Variants in FIGNL2 observed in about 807,000 individuals in gnomAD.
FIGNL2 encodes the protein fidgetin-like protein 2.
For missense variants in FIGNL2, 1,060 were observed against 950.2 expected (o/e 1.12, Z -1.52); for synonymous variants, 565 against 484.0 (o/e 1.17, Z -2.20).
chr12:51,835,723 C>T (rs1013692326), intron 1 of FIGNL2, among the ~76,000 whole-genome samples: 3 of 152,032 alleles, frequency 2.0e-5, no homozygotes, highest in African/African-American at 4.8e-5. Context: ...AAAGTTCTAT[C>T]GGACGGAGCT....
intron 1 of FIGNL2, among the ~76,000 whole-genome samples, chr12:51,826,473 CAAAAAAA>C (rs34534453): frequency 7.6e-6 from 1 of 131,882 alleles, no homozygotes; most frequent in Non-Finnish European, 1.6e-5. Context: ...ACTAAAAATA[CAAAAAAA>C]AAAAAAAAAT....
intron 1 of FIGNL2, chr12:51,845,720 AG>A: frequency 1.0e-6 from 1 of 969,666 alleles, no homozygotes; most frequent in Non-Finnish European, 1.2e-6. Flanking sequence ...GACCGACGGC[AG>A]GGGGAGGGGA....
At position 51,822,014 on chromosome 12, in the gene FIGNL2, C is replaced by A; in HGVS notation, c.400G>T (p.Val134Phe). The change falls in exon 2 of 2, where the codon GTT becomes TTT. Residue 134 changes from valine to phenylalanine, a missense_variant. Transcript: ENST00000618634. ...GGSGALGGSPVLAGNLPEPLY... is the reference protein window; with the variant it reads ...GGSGALGGSPFLAGNLPEPLY... ...GGTTCAGGGAGGTTCCCGGCTAAAA[C>A]TGGGGAGCCCCCCAGGGCCCCGGAA... 1 of 1,599,102 alleles carries A rather than the reference C, an allele frequency of 6.3e-7. No homozygotes were observed. Among genetic ancestry groups the A allele is most frequent in the African/African-American group, 1.3e-5 (1 of 74,740 alleles).
intron 1 of FIGNL2, among the ~76,000 whole-genome samples, chr12:51,824,799 T>C (rs1018102950): frequency 6.6e-6 from 1 of 152,178 alleles, no homozygotes; most frequent in Non-Finnish European, 1.5e-5. Flanking sequence ...ATCCCAACAC[T>C]TTAGGAGGCC....
intron 1 of FIGNL2, among the ~76,000 whole-genome samples, chr12:51,833,444 A>G (rs1939508950): frequency 6.6e-6 from 1 of 152,118 alleles, no homozygotes; most frequent in African/African-American, 2.4e-5. Flanking sequence ...TCCATAAGTC[A>G]TTCTTCCACC....
intron 1 of FIGNL2, among the ~76,000 whole-genome samples, chr12:51,840,511 T>A (rs913532224): frequency 1.3e-5 from 2 of 152,158 alleles, no homozygotes; most frequent in African/African-American, 4.8e-5. Context: ...TGAGGCAGGC[T>A]GATCACCTGA....
intron 1 of FIGNL2, among the ~76,000 whole-genome samples, chr12:51,844,374 T>G (rs1939709119): frequency 6.6e-6 from 1 of 152,182 alleles, no homozygotes; most frequent in East Asian, 1.9e-4. Context: ...AGGCTGACAC[T>G]GTCCATACCT....
chr12:51,829,104 G>A lies in FIGNL2; in HGVS notation c.-11-6680C>T, dbSNP rs146357972. ...GGCAGCTGTGAGTCGGCTCCAGGCC[G>A]GTGTGGAGAAGGGGCCATGCCTCTG... On this transcript the variant is annotated intron_variant, in intron 1 of 1. Transcript: ENST00000618634. 5.8e-4 allele frequency among the ~76,000 whole-genome samples: 88 copies of A among 152,362 alleles called. 1 individual carries two copies. The highest frequency in any genetic ancestry group is 1.9e-3 in the African/African-American group (81 of 41,584).
rs1324500708 is a variant in FIGNL2 at position 51,822,072 on chromosome 12, G to T, written c.342C>A (p.Gly114=). ...PPYPLASLHE[G]LPGTKSGGGG... ...CACCGCCCGATTTGGTTCCTGGGAG[G>T]CCTTCGTGGAGTGAGGCCAAGGGGT... Residue 114 remains glycine (G), a synonymous_variant, in exon 2 of 2, where the codon GGC becomes GGA. Transcript: ENST00000618634. 6.2e-7 allele frequency: 1 copy of T among 1,611,034 alleles called. No individual in the cohort carries two copies. The highest frequency in any genetic ancestry group is 2.2e-5 in the East Asian group (1 of 44,712).
chr12:51,848,243 G>C, intron 1 of FIGNL2: 1 of 984,426 alleles, frequency 1.0e-6, no homozygotes, highest in Non-Finnish European at 1.2e-6. Flanking sequence ...CCGGCTGCTC[G>C]CTTTCGCTGC....
intron 1 of FIGNL2, among the ~76,000 whole-genome samples, chr12:51,826,294 C>G (rs1255649593): frequency 1.3e-5 from 2 of 152,036 alleles, no homozygotes; most frequent in African/African-American, 4.8e-5. Context: ...GCATCATTGT[C>G]TACATGCAGT....
rs144603099 is a variant in FIGNL2, at chr12:51,830,770, A to G, written c.-11-8346T>C. ...CCTCCTAAAGTGCTGGATTACAGGC[A>G]TGAGCCACCACACCCGGCCTACGCT... On this transcript the variant is annotated intron_variant, in intron 1 of 1. Coordinates refer to ENST00000618634, the MANE Select transcript of FIGNL2 (RefSeq NM_001384995.1). Among the ~76,000 whole-genome samples the G allele has an allele frequency of 3.2e-3, 493 of 151,758 alleles. 4 individuals are homozygous for G. Among genetic ancestry groups the G allele is most frequent in the East Asian group, 0.025 (131 of 5,142 alleles).
chr12:51,821,266 A>G lies in FIGNL2; in HGVS notation c.1148T>C (p.Val383Ala), dbSNP rs1939179371. 3.3e-6 allele frequency: 5 copies of G among 1,524,822 alleles called. No individual in the cohort carries two copies. The highest frequency in any genetic ancestry group is 4.4e-6 in the Non-Finnish European group (5 of 1,142,056). 94.5% of individuals were successfully genotyped at this position (1,524,822 alleles called of 1,614,324 possible). The change falls in exon 2 of 2, where the codon GTG (valine) becomes GCG (alanine). Residue 383 changes from valine (V) to alanine (A), a missense_variant. By Grantham distance (64) the Val-to-Ala change is moderately conservative. Coordinates refer to ENST00000618634, the MANE Select transcript of FIGNL2 (RefSeq NM_001384995.1). ...GALELVTSKM[V>A]DCGPPVQWAD... Reference sequence around the variant, plus strand: ...CCACTGCACCGGGGGCCCGCAGTCCACCATCTTGCTCGTCACCAGCTCCAG... The same window carrying G: ...CCACTGCACCGGGGGCCCGCAGTCCGCCATCTTGCTCGTCACCAGCTCCAG...
In FIGNL2 at chr12:51,821,416, AG is replaced by A; in HGVS notation, c.997del (p.Leu333TrpfsTer46). ...KYGGGVPLKV[L>X]GSPVYGPQLE... ...TTGCGGGCCGTAGACGGGGGAGCCC[AG>A]GACCTTGAGGGGGACGCCGCCACCG... On this transcript the variant is annotated frameshift_variant, in exon 2 of 2. Transcript: ENST00000618634. LOFTEE classifies it low-confidence loss of function (END_TRUNC). 1 of 1,536,778 alleles carries A rather than the reference AG, an allele frequency of 6.5e-7. No homozygotes were observed. The highest frequency in any genetic ancestry group is 8.7e-7 in the Non-Finnish European group (1 of 1,144,214).
intron 1 of FIGNL2, chr12:51,848,224 GC>G (rs1361269497): frequency 4.1e-6 from 4 of 983,364 alleles, no homozygotes; most frequent in African/African-American, 1.8e-5. Flanking sequence ...GCCAGCAGAC[GC>G]CCCCGAGCCG....
chr12:51,833,964 G>C (rs1269622564), intron 1 of FIGNL2, among the ~76,000 whole-genome samples: 1 of 151,738 alleles, frequency 6.6e-6, no homozygotes, highest in African/African-American at 2.4e-5. Flanking sequence ...CGGATGGATG[G>C]ATGAATGGAC....
intron 1 of FIGNL2, among the ~76,000 whole-genome samples, chr12:51,840,192 T>C (rs1052493772): frequency 6.6e-6 from 1 of 152,182 alleles, no homozygotes; most frequent in Admixed American, 6.5e-5. Flanking sequence ...GACTGTCCTC[T>C]GTCCACTTGG....
rs184094069 is a variant in FIGNL2, at chr12:51,830,683, G to A, written c.-11-8259C>T. Reference sequence around the variant, plus strand: ...ATTTTCTGTATTTTTAGTAGAGATGGGGTTTCACCATGTTGGCCAGGCTGG... The same window carrying A: ...ATTTTCTGTATTTTTAGTAGAGATGAGGTTTCACCATGTTGGCCAGGCTGG... On this transcript the variant is annotated intron_variant, in intron 1 of 1. Coordinates refer to ENST00000618634, the MANE Select transcript of FIGNL2 (RefSeq NM_001384995.1). Among the ~76,000 whole-genome samples the A allele has an allele frequency of 3.2e-3, 492 of 151,964 alleles. 3 individuals carry two copies. The highest frequency in any genetic ancestry group is 5.8e-3 in the Non-Finnish European group (391 of 67,948).
intron 1 of FIGNL2, chr12:51,845,608 G>A (rs1023563013): frequency 1.2e-5 from 12 of 985,260 alleles, no homozygotes; most frequent in African/African-American, 7.0e-5. Flanking sequence ...TCATTAAATC[G>A]GGTAAAGGAG....
Sources: gnomAD v4.1 joint callset for allele counts (sites outside exome capture counted in the v4.1 genomes callset) on GRCh38, gnomAD v4.1.1 for gene constraint, MANE v1.5 for transcripts, NCBI Gene and HGNC (gene_info 2026-07-23, HGNC 2026-07-21) for gene names.